STAG1: variants seen among roughly 807,000 people sequenced by gnomAD.
STAG1 encodes the protein cohesin subunit SA-1.
Under a neutral mutation model 170.9 loss-of-function variants are expected in STAG1, and 26 were observed. The ratio of observed to expected loss-of-function variants is 0.15; its 90% CI spans 0.11 to 0.21. The LOEUF is 0.21. Among genes scored for constraint, STAG1 ranks in the 10% least tolerant of loss-of-function variants. The pLI is 1.00. For synonymous variants in STAG1, 514 were observed against 497.7 expected, an observed-to-expected ratio of 1.03 and a Z score of -0.44; for missense variants, 964 against 1,509.5, an observed-to-expected ratio of 0.64 and a Z score of 5.99.
chr3:136,356,634 AG>A (rs1179476177), intron 28 of STAG1, among the ~76,000 whole-genome samples: 2 of 152,316 alleles, frequency 1.3e-5, no homozygotes, highest in East Asian at 3.9e-4. Context: ...CTCCTGCTTC[AG>A]CCTCCTTACA....
At chr3:136,542,401 G>A (rs1935954731) in intron 5 of STAG1, among the ~76,000 whole-genome samples, 1 of 152,092 alleles carries the variant, frequency 6.6e-6, no homozygotes, top group African/African-American at 2.4e-5. Context: ...TTTTGAAATT[G>A]CCGTTTTTAA....
intron 12 of STAG1, among the ~76,000 whole-genome samples, chr3:136,466,735 G>C (rs936534252): frequency 1.3e-5 from 2 of 152,164 alleles, no homozygotes; most frequent in Non-Finnish European, 2.9e-5. Context: ...AGGAAAAAAT[G>C]TTAAGGGCAG....
chr3:136,393,880 A>C (rs1205373719), intron 22 of STAG1, among the ~76,000 whole-genome samples: 1 of 151,994 alleles, frequency 6.6e-6, no homozygotes, highest in East Asian at 1.9e-4. Flanking sequence ...ACAGGCATGA[A>C]CCACTGTGTC....
chr3:136,437,881 T>G (rs1005663359), intron 15 of STAG1, among the ~76,000 whole-genome samples: 4 of 152,218 alleles, frequency 2.6e-5, no homozygotes, highest in Non-Finnish European at 4.4e-5. Flanking sequence ...TTTTATATTT[T>G]TACCATCATT....
chr3:136,633,961 T>TCAAAAAAA (rs1235452772), intron 1 of STAG1, among the ~76,000 whole-genome samples: 1 of 21,658 alleles, frequency 4.6e-5, no homozygotes, highest in African/African-American at 9.4e-5. Flanking sequence ...CTGTCTCTAC[T>TCAAAAAAA]TAAAAAAAAA....
intron 8 of STAG1, among the ~76,000 whole-genome samples, chr3:136,502,053 T>C (rs922134352): frequency 6.6e-6 from 1 of 152,020 alleles, no homozygotes; most frequent in African/African-American, 2.4e-5. Flanking sequence ...TGGTGGCACA[T>C]GCCTGTACTC....
rs549921712 is a variant in STAG1 at position 136,731,245 on chromosome 3, C to CA, written c.-84+20949dup. ...CATTACCCACTACAAAACTTTACTA[C>CA]AAAAAAAAAAAGCAATACAGAATGT... is the stretch of plus-strand genomic sequence containing the variant. On this transcript the variant is annotated intron_variant, in intron 1 of 33. Coordinates refer to ENST00000383202, the MANE Select transcript of STAG1 (RefSeq NM_005862.3). Among the ~76,000 whole-genome samples, 106 of 140,658 alleles carry CA rather than the reference C, an allele frequency of 7.5e-4. 2 individuals are homozygous for CA. In the South Asian group the frequency reaches 0.012, roughly 15 times the overall value. The allele number at this position is 140,658 out of a possible 152,430, so 92.3% of individuals were successfully genotyped here. A position where few individuals can be genotyped will look rare whatever the true frequency, so the allele number is the denominator to read the frequency against.
intron 14 of STAG1, among the ~76,000 whole-genome samples, chr3:136,446,164 C>G (rs1194373417): frequency 6.6e-6 from 1 of 152,094 alleles, no homozygotes; most frequent in African/African-American, 2.4e-5. Context: ...ACACTATACT[C>G]CTACATTTAA....
At chr3:136,606,317 T>C (rs1938935352) in intron 3 of STAG1, among the ~76,000 whole-genome samples, 1 of 151,592 alleles carries the variant, frequency 6.6e-6, no homozygotes. Context: ...GCCTCTAGAG[T>C]AGCTATGATC....
At position 136,618,678 on chromosome 3, in the gene STAG1, T is replaced by C. The variant is rs546764192; in HGVS notation, c.132+4468A>G. Among the ~76,000 whole-genome samples, 8 of 152,300 alleles carry C rather than the reference T, an allele frequency of 5.3e-5. No individual in the cohort carries two copies. In the East Asian group the frequency reaches 1.5e-3, roughly 29 times the overall value. On this transcript the variant is annotated intron_variant, in intron 3 of 33. Transcript: ENST00000383202. Reference sequence around the variant, plus strand: ...CTACAAGCAACATAAAATCCTGGACTAGACCCTGATTCAGGAAAAGAATAG... The same window carrying C: ...CTACAAGCAACATAAAATCCTGGACCAGACCCTGATTCAGGAAAAGAATAG...
chr3:136,439,972 A>G (rs1449330074), intron 15 of STAG1, among the ~76,000 whole-genome samples: 1 of 152,200 alleles, frequency 6.6e-6, no homozygotes, highest in Non-Finnish European at 1.5e-5. Context: ...TTAAACCACA[A>G]TGAAACACCT....
chr3:136,572,559 G>A (rs768792275), intron 4 of STAG1, among the ~76,000 whole-genome samples: 10 of 141,356 alleles, frequency 7.1e-5, no homozygotes, highest in Non-Finnish European at 1.1e-4. Context: ...AGCTGTGAGC[G>A]TGCCACTGCA....
intron 1 of STAG1, among the ~76,000 whole-genome samples, chr3:136,656,127 TC>T (rs1384558185): frequency 6.6e-6 from 1 of 151,858 alleles, no homozygotes; most frequent in Non-Finnish European, 1.5e-5. Context: ...AAACTTGCTT[TC>T]ATTATGCTAA....
At chr3:136,687,749 T>TG (rs995760946) in intron 1 of STAG1, among the ~76,000 whole-genome samples, 2 of 151,886 alleles carry the variant, frequency 1.3e-5, no homozygotes, top group African/African-American at 4.8e-5. Flanking sequence ...TTTTTTTTTT[T>TG]TTTTTGAGGC....
At chr3:136,632,209 T>A (rs543978344) in intron 1 of STAG1, among the ~76,000 whole-genome samples, 1 of 151,980 alleles carries the variant, frequency 6.6e-6, no homozygotes, top group African/African-American at 2.4e-5. Context: ...AATCGATGAG[T>A]AGAAAACTTC....
chr3:136,356,007 C>G (rs1277857244), intron 28 of STAG1, among the ~76,000 whole-genome samples: 1 of 151,702 alleles, frequency 6.6e-6, no homozygotes, highest in African/African-American at 2.4e-5. Context: ...CAACACCTGT[C>G]TCTATCATAT....
chr3:136,413,615 T>C (rs2087691957), intron 21 of STAG1, among the ~76,000 whole-genome samples: 1 of 152,034 alleles, frequency 6.6e-6, no homozygotes, highest in Non-Finnish European at 1.5e-5. Flanking sequence ...TGTGCCACCA[T>C]GCCCAGCTAA....
At chr3:136,467,287 A>T (rs2089491673) in intron 12 of STAG1, among the ~76,000 whole-genome samples, 1 of 152,152 alleles carries the variant, frequency 6.6e-6, no homozygotes, top group African/African-American at 2.4e-5. Context: ...AGACACACAT[A>T]GGCGCAAAAT....
At chr3:136,515,628 C>T (rs1470330985) in intron 7 of STAG1, among the ~76,000 whole-genome samples, 3 of 152,014 alleles carry the variant, frequency 2.0e-5, no homozygotes, top group African/African-American at 7.2e-5. Context: ...TTTTAAAATC[C>T]TTGTTTCTTT....
Sources: gnomAD v4.1 joint callset for allele counts (sites outside exome capture counted in the v4.1 genomes callset) on GRCh38, gnomAD v4.1.1 for gene constraint, MANE v1.5 for transcripts, NCBI Gene and HGNC (gene_info 2026-07-23, HGNC 2026-07-21) for gene names.